ASB16: variants seen among roughly 807,000 people sequenced by gnomAD.
ASB16 encodes ankyrin repeat and SOCS box protein 16.
ASB16 carries 44 observed loss-of-function variants against 39.1 expected under a neutral mutation model. The observed-to-expected ratio is 1.13, with a 90% CI of 0.88 to 1.45. The LOEUF (loss-of-function observed/expected upper bound fraction) is 1.45. Ranked by LOEUF, ASB16 falls within the 40% of genes most tolerant of loss-of-function variation. ASB16 has a pLI of 0.00. For synonymous variants in ASB16, 305 were observed against 286.7 expected, an observed-to-expected ratio of 1.06 and a Z score of -0.64; for missense variants, 698 against 634.5, an observed-to-expected ratio of 1.10 and a Z score of -1.07.
In ASB16 at chr17:44,172,206, C is replaced by T; in HGVS notation, c.462C>T (p.Ala154=). 6.2e-7 allele frequency: 1 copy of T among 1,613,652 alleles called. No homozygotes were observed. Among genetic ancestry groups the T allele is most frequent in the Non-Finnish European group, 8.5e-7 (1 of 1,180,044 alleles). ...CCTTGCATGAGGCCTGTGCCCGAGC[C>T]CAGTTTGACTGTGTGCGGCTGCTGC... The part of the protein sequence containing the change: ...RAALHEACAR[A]QFDCVRLLLT... The change falls in exon 2 of 5, where the codon GCC becomes GCT. Residue 154 remains alanine (A), a synonymous_variant. Transcript: ENST00000293414.
At chr17:44,175,832 T>C (rs975530527) in intron 2 of ASB16, 12 of 152,212 alleles carry the variant, frequency 7.9e-5, no homozygotes, top group Non-Finnish European at 1.5e-4. Context: ...TTTTTGTTTT[T>C]CCTTTGGTTT....
Position 44,171,022 on chromosome 17 carries a change from A to G in ASB16, c.233A>G (p.Gln78Arg). The change falls in exon 1 of 5, where the codon CAA becomes CGA. Residue 78 changes from glutamine to arginine, a missense_variant. Transcript: ENST00000293414. ...GNLQQVQALF[Q>R]DEEAANMIVE... ...CTGCAGCAGGTCCAAGCCCTGTTCC[A>G]AGATGAAGAGGCCGCCAACATGATT... 1 of 1,614,074 alleles carries G rather than the reference A, an allele frequency of 6.2e-7. No homozygotes were observed. The highest frequency in any genetic ancestry group is 8.5e-7 in the Non-Finnish European group (1 of 1,180,026).
rs765899037 is a variant in ASB16 at position 44,177,702 on chromosome 17, G to A, written c.1156G>A (p.Val386Met). 1.1e-5 allele frequency: 17 copies of A among 1,613,704 alleles called. No homozygotes were observed. The highest frequency in any genetic ancestry group is 1.4e-5 in the Non-Finnish European group (16 of 1,179,812). ...VPSCETWVEA[V>M]LPELWKEHEA... ...ATCCTGTGAGACCTGGGTGGAGGCG[G>A]TGCTCCCAGAGCTGTGGAAGGTATG... The change falls in exon 4 of 5, where the codon GTG becomes ATG. Residue 386 changes from valine (V) to methionine (M), a missense_variant. Coordinates refer to ENST00000293414, the MANE Select transcript of ASB16 (RefSeq NM_080863.5).
chr17:44,178,340 C>G lies in ASB16; in HGVS notation c.1312C>G (p.Pro438Ala). 2 of 1,611,474 alleles carry G rather than the reference C, an allele frequency of 1.2e-6. No individual in the cohort carries two copies. Among genetic ancestry groups the G allele is most frequent in the Non-Finnish European group, 1.7e-6 (2 of 1,179,038 alleles). ...GGGTGCCACCCGGCTGCCACTGCCC[C>G]CGCTCCTCAGGGACTACCTGCTGCT... The part of the protein sequence containing the change: ...RQGATRLPLP[P>A]LLRDYLLLRV... The change falls in exon 5 of 5, where the codon CCG becomes GCG. Residue 438 changes from proline (P) to alanine (A), a missense_variant. Pro to Ala is a conservative substitution (Grantham distance 27, BLOSUM62 -1). Transcript: ENST00000293414.
chr17:44,177,434 GC>G, intron 3 of ASB16, 174 bp from the exon 4 acceptor site: 1 of 1,138,986 alleles, frequency 8.8e-7, no homozygotes, highest in Non-Finnish European at 1.2e-6. Flanking sequence ...GAAAACTGGG[GC>G]CAAAAGGTTG....
chr17:44,177,623 C>T lies in ASB16; in HGVS notation c.1077C>T (p.Cys359=), dbSNP rs551155706. ...TTGACCCCTAGATGCTGAAACACTG[C>T]GCCAACTTCCCTCGGGCCCTGGAAG... is the stretch of plus-strand genomic sequence containing the variant. ...QPVRPEMLKH[C]ANFPRALEVL... The change falls in exon 4 of 5, where the codon TGC becomes TGT. Residue 359 remains cysteine, a synonymous_variant. Coordinates refer to ENST00000293414, the MANE Select transcript of ASB16 (RefSeq NM_080863.5). 3.6e-5 allele frequency: 58 copies of T among 1,613,750 alleles called. No individual in the cohort carries two copies. Among genetic ancestry groups the T allele is most frequent in the African/African-American group, 5.3e-5 (4 of 75,036 alleles).
intron 2 of ASB16, among the ~76,000 whole-genome samples, chr17:44,174,037 ATTTTTT>A (rs1157730462): frequency 1.7e-5 from 2 of 114,720 alleles, no homozygotes; most frequent in African/African-American, 3.5e-5. Flanking sequence ...ACACCTGGCT[ATTTTTT>A]TTTTTTTTTT....
In ASB16 at chr17:44,177,626, C is replaced by A. The variant is rs747525872; in HGVS notation, c.1080C>A (p.Ala360=). 6.2e-7 allele frequency: 1 copy of A among 1,613,848 alleles called. No homozygotes were observed. Among genetic ancestry groups the A allele is most frequent in the South Asian group, 1.1e-5 (1 of 91,070 alleles). The change falls in exon 4 of 5, where the codon GCC becomes GCA. Residue 360 remains alanine (A), a synonymous_variant. Coordinates refer to ENST00000293414, the MANE Select transcript of ASB16 (RefSeq NM_080863.5). ...PVRPEMLKHC[A]NFPRALEVLL... ...ACCCCTAGATGCTGAAACACTGCGC[C>A]AACTTCCCTCGGGCCCTGGAAGTCC...
chr17:44,172,168 G>A lies in ASB16; in HGVS notation c.424G>A (p.Gly142Arg), dbSNP rs531721947. ...GGGAGCTGAGCTGGATGCCCGTGTC[G>A]GGGGTCGCGCTGCCTTGCATGAGGC... ...RQGAELDARV[G>R]GRAALHEACA... is the part of the protein sequence containing the mutation. Residue 142 changes from glycine to arginine, a missense_variant, in exon 2 of 5, where the codon GGG (glycine) becomes AGG (arginine). By Grantham distance (125) the Gly-to-Arg change is moderately radical. Transcript: ENST00000293414. 24 of 1,612,270 alleles carry A rather than the reference G, an allele frequency of 1.5e-5. 1 individual carries two copies. Among genetic ancestry groups the A allele is most frequent in the East Asian group, 6.7e-5 (3 of 44,868 alleles).
chr17:44,176,697 C>G, intron 2 of ASB16, 41 bp from the exon 3 acceptor site: 2 of 1,613,758 alleles, frequency 1.2e-6, no homozygotes, highest in Non-Finnish European at 8.5e-7. Context: ...GGGTCCCAAG[C>G]CTTCAGGATT....
At position 44,176,814 on chromosome 17, in the gene ASB16, G is replaced by A. The variant is rs959280906; in HGVS notation, c.646G>A (p.Val216Met). ...CGAGAGCCAGGAGACGCCCCTGCAC[G>A]TGGCGGCGGCGCGCGGCCTGGAGCA... ...AGESQETPLH[V>M]AAARGLEQHV... The change falls in exon 3 of 5, where the codon GTG (valine) becomes ATG (methionine). Residue 216 changes from valine (V) to methionine (M), a missense_variant. Physicochemically the swap from Val to Met is conservative, Grantham distance 21. Transcript: ENST00000293414. 3 of 1,612,698 alleles carry A rather than the reference G, an allele frequency of 1.9e-6. No homozygotes were observed. The highest frequency in any genetic ancestry group is 2.5e-6 in the Non-Finnish European group (3 of 1,179,378).
chr17:44,177,870 C>T, intron 4 of ASB16, 148 bp downstream of exon 4: 1 of 1,122,202 alleles, frequency 8.9e-7, no homozygotes, highest in South Asian at 1.6e-5. Context: ...GTACCCCCTC[C>T]CCCGGTACCC....
rs754500086 is a variant in ASB16, at chr17:44,178,393, C to T, written c.*3C>T. 1.1e-5 allele frequency: 17 copies of T among 1,586,010 alleles called. No individual in the cohort carries two copies. The highest frequency in any genetic ancestry group is 1.8e-4 in the Middle Eastern group (1 of 5,704). On this transcript the variant is annotated 3_prime_UTR_variant, in exon 5 of 5. Transcript: ENST00000293414. ...GTGTGGAGGGGTGCATCCAGTGAAC[C>T]CCATGTCAGGCTGTCCCATGGTGTG...
chr17:44,175,400 T>TAAAA (rs10583057), intron 2 of ASB16, among the ~76,000 whole-genome samples: 2 of 56,254 alleles, frequency 3.6e-5, no homozygotes, highest in Non-Finnish European at 6.7e-5. Context: ...AGACTCCATC[T>TAAAA]AAAAAAAAAA....
chr17:44,171,159 T>C, intron 1 of ASB16, 69 bp downstream of exon 1: 9 of 1,454,126 alleles, frequency 6.2e-6, no homozygotes, highest in Non-Finnish European at 7.5e-6. Flanking sequence ...AGGGGGAGAG[T>C]CTAGGCCCCT....
At position 44,176,727 on chromosome 17, in the gene ASB16, C is replaced by T; in HGVS notation, c.570-11C>T. ...AGGATTTTCCTCAGGACCTTGCTCTCTTGTCCCCAGGTGCGCCAAGTTGCT... is the reference window on the plus strand; with the variant it reads ...AGGATTTTCCTCAGGACCTTGCTCTTTTGTCCCCAGGTGCGCCAAGTTGCT... On this transcript the variant is annotated splice_polypyrimidine_tract_variant and intron_variant, in intron 2 of 4. Coordinates refer to ENST00000293414, the MANE Select transcript of ASB16 (RefSeq NM_080863.5). The T allele has an allele frequency of 6.2e-7, 1 of 1,613,966 alleles. No homozygotes were observed. The highest frequency in any genetic ancestry group is 1.3e-5 in the African/African-American group (1 of 75,014).
At position 44,171,035 on chromosome 17, in the gene ASB16, C is replaced by A; in HGVS notation, c.246C>A (p.Ala82=). 2 of 1,614,032 alleles carry A rather than the reference C, an allele frequency of 1.2e-6. No individual in the cohort carries two copies. Among genetic ancestry groups the A allele is most frequent in the Non-Finnish European group, 1.7e-6 (2 of 1,180,030 alleles). Residue 82 remains alanine, a synonymous_variant, in exon 1 of 5, where the codon GCC becomes GCA. Transcript: ENST00000293414. Reference sequence around the variant, plus strand: ...AAGCCCTGTTCCAAGATGAAGAGGCCGCCAACATGATTGTGGAGACTGTGA... The same window carrying A: ...AAGCCCTGTTCCAAGATGAAGAGGCAGCCAACATGATTGTGGAGACTGTGA... ...QVQALFQDEE[A]ANMIVETVSN...
Position 44,177,018 on chromosome 17 carries a change from C to T in ASB16, c.850C>T (p.Arg284Cys). 4.0e-6 allele frequency: 6 copies of T among 1,489,582 alleles called. No individual in the cohort carries two copies. The highest frequency in any genetic ancestry group is 5.3e-6 in the Non-Finnish European group (6 of 1,132,498). The allele number at this position is 1,489,582 out of a possible 1,614,324, so 92.3% of individuals were successfully genotyped here. A position where few individuals can be genotyped will look rare whatever the true frequency, so the allele number is the denominator to read the frequency against. ...TGATGCCCGGGCGGCCGGGCGCAAG[C>T]GCCACACGCCGCTGCACAACGCTTG... ...GADARAAGRK[R>C]HTPLHNACAN... Residue 284 changes from arginine to cysteine, a missense_variant, in exon 3 of 5, where the codon CGC becomes TGC. Physicochemically the swap from Arg to Cys is radical, Grantham distance 180. Coordinates refer to ENST00000293414, the MANE Select transcript of ASB16 (RefSeq NM_080863.5).
intron 2 of ASB16, among the ~76,000 whole-genome samples, chr17:44,174,291 C>T (rs866926526): frequency 6.6e-5 from 10 of 152,132 alleles, no homozygotes; most frequent in Middle Eastern, 6.8e-3. Context: ...GTGATCCACC[C>T]GCCTCGGCCT....
Sources: allele counts gnomAD v4.1 joint callset (sites outside exome capture counted in the v4.1 genomes callset), GRCh38; gene constraint gnomAD v4.1.1; transcripts MANE v1.5; gene names NCBI Gene and HGNC (gene_info 2026-07-23, HGNC 2026-07-21).